The following LYST variants were observed in gnomAD, a reference collection of about 807,000 sequenced individuals.
The protein encoded by LYST is lysosomal-trafficking regulator.
A neutral mutation model predicts 413.6 loss-of-function variants in LYST; 192 were observed. The ratio of observed to expected loss-of-function variants is 0.46; its 90% CI spans 0.41 to 0.52. The LOEUF (loss-of-function observed/expected upper bound fraction) is 0.52, where lower values mean the gene tolerates loss of function less well. LYST is among the 20% of genes least tolerant of loss of function. LYST has a pLI of 0.00. For missense variants in LYST, 3,815 were observed against 4,499.9 expected (o/e 0.85, Z 4.35); for synonymous variants, 1,525 against 1,567.3 (o/e 0.97, Z 0.64).
intron 5 of LYST, 53 bp downstream of exon 5, chr1:235,808,402 T>C (rs1673094042): frequency 1.3e-6 from 2 of 1,557,322 alleles, no homozygotes; most frequent in Non-Finnish European, 1.8e-6. Flanking sequence ...ATGAAAAAGA[T>C]CTAGACATGC....
chr1:235,872,758 T>G (rs550356732), intron 1 of LYST, among the ~76,000 whole-genome samples: 15 of 151,734 alleles, frequency 9.9e-5, no homozygotes, highest in Non-Finnish European at 1.2e-4. Context: ...CTACTAAAAA[T>G]ACAAAAAATT....
At chr1:235,744,705 G>A (rs1420512677) in intron 29 of LYST, among the ~76,000 whole-genome samples, 2 of 151,976 alleles carry the variant, frequency 1.3e-5, no homozygotes, top group South Asian at 2.1e-4. Flanking sequence ...TTTGAGATCA[G>A]CCTGGGCAAC....
In LYST at chr1:235,813,052, A is replaced by G; in HGVS notation, c.202T>C (p.Cys68Arg). Residue 68 changes from cysteine (C) to arginine (R), a missense_variant, in exon 4 of 53, where the codon TGT becomes CGT. Cys to Arg is a radical substitution (Grantham distance 180). Around this residue, in one of 4 missense-constraint regions of LYST, gnomAD observed 1,648 missense variants for 1,810.3 expected, o/e 0.91. Coordinates refer to ENST00000389793, the MANE Select transcript of LYST (RefSeq NM_000081.4). ...AGAAGAGTCAGGAGTTCTTCTCTAC[A>G]TGTCAATGCCTATGTCAGTAACAAA... The part of the protein sequence containing the change: ...LNSIIDQALT[C>R]REELLTLLLS... 6.3e-7 allele frequency: 1 copy of G among 1,582,272 alleles called. No individual in the cohort carries two copies.
chr1:235,845,572 G>A (rs1677735523), intron 1 of LYST, among the ~76,000 whole-genome samples: 1 of 152,180 alleles, frequency 6.6e-6, no homozygotes, highest in Non-Finnish European at 1.5e-5. Context: ...TCGTAGCTGA[G>A]AGGTGGATAG....
chr1:235,815,020 T>G (rs988734401), intron 3 of LYST, among the ~76,000 whole-genome samples: 3 of 152,176 alleles, frequency 2.0e-5, no homozygotes, highest in African/African-American at 7.2e-5. Context: ...AAACTGCAAC[T>G]CATTCTCTAG....
At position 235,663,064 on chromosome 1, in the gene LYST, C is replaced by T; in HGVS notation, c.11282G>A (p.Cys3761Tyr). The T allele has an allele frequency of 2.5e-6, 4 of 1,602,356 alleles. No individual in the cohort carries two copies. Among genetic ancestry groups the T allele is most frequent in the Non-Finnish European group, 2.6e-6 (3 of 1,175,812 alleles). Residue 3761 changes from cysteine (C) to tyrosine (Y), a missense_variant, in exon 53 of 53, where the codon TGT becomes TAT. By Grantham distance (194) the Cys-to-Tyr change is radical. This residue lies in a region of LYST where 866 missense variants were observed against 1,156.0 expected (regional missense o/e 0.75). Coordinates refer to ENST00000389793, the MANE Select transcript of LYST (RefSeq NM_000081.4). The stretch of plus-strand genomic sequence containing the variant: ...TGCTGTGTACAAATGGTGGCCATCA[C>T]AAGAAAATGTAAGGCTGTAAAAAAA... ...NKPIISLTFS[C>Y]DGHHLYTANS... is the part of the protein sequence containing the mutation.
intron 34 of LYST, 71 bp from the exon 35 acceptor site, chr1:235,731,248 T>C (rs568002482): frequency 1.2e-5 from 16 of 1,373,126 alleles, no homozygotes; most frequent in South Asian, 7.0e-5. Flanking sequence ...AAAATCATTA[T>C]AGAGATTGAG....
rs1442133374 is a variant in LYST, at chr1:235,808,760, C to G, written c.2058G>C (p.Leu686Phe). Reference protein sequence around the residue: ...GILPSSGSEDLLWKWDALKAY... With the variant: ...GILPSSGSEDFLWKWDALKAY... Reference sequence around the variant, plus strand: ...CCTTTAAAGCATCCCATTTCCACAACAAATCTTCAGATCCACTGCTGGGCA... The same window carrying G: ...CCTTTAAAGCATCCCATTTCCACAAGAAATCTTCAGATCCACTGCTGGGCA... Residue 686 changes from leucine to phenylalanine, a missense_variant, in exon 5 of 53, where the codon TTG becomes TTC. Transcript: ENST00000389793. The G allele has an allele frequency of 2.5e-6, 4 of 1,613,858 alleles. No homozygotes were observed. Among genetic ancestry groups the G allele is most frequent in the Non-Finnish European group, 3.4e-6 (4 of 1,180,008 alleles).
At chr1:235,689,252 T>C (rs751870447) in intron 47 of LYST, among the ~76,000 whole-genome samples, 30 of 152,166 alleles carry the variant, frequency 2.0e-4, no homozygotes, top group Non-Finnish European at 3.2e-4. Flanking sequence ...TTTTCATCTA[T>C]TATGATACAA....
Position 235,677,149 on chromosome 1 carries a change from A to G in LYST, c.10980T>C (p.Pro3660=). The G allele has an allele frequency of 6.2e-7, 1 of 1,614,064 alleles. No homozygotes were observed. Among genetic ancestry groups the G allele is most frequent in the Non-Finnish European group, 8.5e-7 (1 of 1,179,936 alleles). ...TTTCACTGGCAGAGACAGCTGTGAC[A>G]GGGCTTTTGTGTCCCGCCAGACTTT... is the stretch of plus-strand genomic sequence containing the variant. ...YVQSLAGHKS[P]VTAVSASETS... is the part of the protein sequence containing the mutation. Residue 3660 remains proline, a synonymous_variant, in exon 50 of 53, where the codon CCT becomes CCC. Transcript: ENST00000389793.
intron 21 of LYST, among the ~76,000 whole-genome samples, chr1:235,764,498 T>TC (rs987143002): frequency 7.2e-6 from 1 of 139,564 alleles, no homozygotes; most frequent in African/African-American, 2.7e-5. Context: ...TTCTTTTCTT[T>TC]TTTTTTTTTT....
chr1:235,781,889 C>A, intron 15 of LYST, 38 bp downstream of exon 15: 1 of 1,380,618 alleles, frequency 7.2e-7, no homozygotes, highest in Non-Finnish European at 1.0e-6. Flanking sequence ...CTCTGTCGCC[C>A]AGGCTGAAGT....
chr1:235,722,674 C>T (rs867518425), intron 39 of LYST, among the ~76,000 whole-genome samples: 116 of 152,022 alleles, frequency 7.6e-4, no homozygotes, highest in African/African-American at 2.6e-3. Context: ...TTAGTAGAGA[C>T]GGGGTTTCAC....
At chr1:235,866,463 AAAAAATAAAATAAAGGTAGCAAC>A (rs1404178885) in intron 1 of LYST, among the ~76,000 whole-genome samples, 2 of 152,192 alleles carry the variant, frequency 1.3e-5, no homozygotes, top group African/African-American at 4.8e-5. Flanking sequence ...GCACAGGATC[AAAAAATAAAATAAAGGTAGCAAC>A]ACACCGCCGT....
Position 235,800,899 on chromosome 1 carries a change from T to C in LYST, c.3911A>G (p.Glu1304Gly). ...ESFLKIIRQKEKNVFLLMQQG... is the reference protein window; with the variant it reads ...ESFLKIIRQKGKNVFLLMQQG... ...TTGCATGAGCAGAAAAACATTCTTT[T>C]CTTTCTGCCTAATAATTTTCAAAAA... Residue 1304 changes from glutamate to glycine, a missense_variant, in exon 9 of 53, where the codon GAA (glutamate) becomes GGA (glycine). Glu to Gly is a moderately conservative substitution (Grantham distance 98). This residue lies in a region of LYST where 1,648 missense variants were observed against 1,810.3 expected (regional missense o/e 0.91). Coordinates refer to ENST00000389793, the MANE Select transcript of LYST (RefSeq NM_000081.4). The C allele has an allele frequency of 1.2e-6, 2 of 1,613,476 alleles. No homozygotes were observed. Among genetic ancestry groups the C allele is most frequent in the Non-Finnish European group, 1.7e-6 (2 of 1,179,592 alleles).
At chr1:235,781,147 C>A in intron 15 of LYST, 92 bp from the exon 16 acceptor site, 1 of 798,660 alleles carries the variant, frequency 1.3e-6, no homozygotes, top group Admixed American at 2.1e-5. Flanking sequence ...TTTTTGTAGC[C>A]AGATTCTTTC....
At chr1:235,867,155 CG>C (rs1243160070), upstream of LYST, among the ~76,000 whole-genome samples, 1 of 152,188 alleles carries the variant, frequency 6.6e-6, no homozygotes, top group Non-Finnish European at 1.5e-5. Flanking sequence ...GGGCTGCAGC[CG>C]GGGCCCGGTC....
chr1:235,710,840 C>T (rs1031582910), intron 43 of LYST, among the ~76,000 whole-genome samples: 3 of 152,278 alleles, frequency 2.0e-5, no homozygotes, highest in African/African-American at 7.2e-5. Flanking sequence ...CCCTGAGTTG[C>T]CAAGTAGGAC....
In LYST at chr1:235,669,308, G is replaced by A. The variant is rs1658736258; in HGVS notation, c.11039-4687C>T. Reference sequence around the variant, plus strand: ...CAGGAGAATAGGGTCTGGAGGCAGGGAACCTAAGACAGTTTCACACTCACT... The same window carrying A: ...CAGGAGAATAGGGTCTGGAGGCAGGAAACCTAAGACAGTTTCACACTCACT... On this transcript the variant is annotated intron_variant, in intron 50 of 52. Transcript: ENST00000389793. Among the ~76,000 whole-genome samples the A allele has an allele frequency of 2.6e-5, 4 of 152,200 alleles. No individual in the cohort carries two copies. In the South Asian group the frequency reaches 8.3e-4, roughly 32 times the overall value.
Sources: gnomAD v4.1 joint callset for allele counts (sites outside exome capture counted in the v4.1 genomes callset) on GRCh38, gnomAD v4.1.1 for gene constraint, gnomAD v4.1.1 regional missense constraint, MANE v1.5 for transcripts, NCBI Gene and HGNC (gene_info 2026-07-23, HGNC 2026-07-21) for gene names.